The following MMP26 variants were observed in gnomAD, a reference collection of about 807,000 sequenced individuals.
The protein encoded by MMP26 is matrix metallopeptidase 26, also known as matrix metalloproteinase-26.
A neutral mutation model predicts 31.0 loss-of-function variants in MMP26; 33 were observed. The observed-to-expected ratio is 1.06, with a 90% CI of 0.81 to 1.42. The LOEUF (loss-of-function observed/expected upper bound fraction) is 1.42. Ranked by LOEUF, MMP26 falls within the 40% of genes most tolerant of loss-of-function variation. MMP26 has a pLI of 0.00. For missense variants in MMP26, 347 were observed against 316.1 expected, an observed-to-expected ratio of 1.10 and a Z score of -0.74; for synonymous variants, 122 against 114.9, an observed-to-expected ratio of 1.06 and a Z score of -0.40.
At chr11:4,720,113 A>G (rs1847990827) in intron 1 of MMP26, among the ~76,000 whole-genome samples, 1 of 152,200 alleles carries the variant, frequency 6.6e-6, no homozygotes, top group African/African-American at 2.4e-5. Flanking sequence ...AGTATAATAA[A>G]TAAATATTTT....
chr11:4,925,115 C>T (rs11034685), intron 2 of MMP26, among the ~76,000 whole-genome samples: 39,373 of 151,974 alleles, frequency 0.26, 5,544 homozygotes, highest in Middle Eastern at 0.45. Flanking sequence ...ACTCTGACAC[C>T]AGTTCTATCT....
intron 2 of MMP26, among the ~76,000 whole-genome samples, chr11:4,818,384 A>T (rs1849449280): frequency 1.6e-5 from 2 of 123,624 alleles, no homozygotes. Flanking sequence ...TATTATCATA[A>T]TTGTGCTTAC....
rs1847020565 is a variant in MMP26, at chr11:4,992,279, G to C, written c.*37G>C. ...AGGACTTATTCAACCTGTCCTTTCA[G>C]GGAGTTTATTGGAGGATCAAAGAAC... On this transcript the variant is annotated 3_prime_UTR_variant, in exon 8 of 8. Coordinates refer to ENST00000380390, the MANE Select transcript of MMP26 (RefSeq NM_021801.5). 1 of 1,594,114 alleles carries C rather than the reference G, an allele frequency of 6.3e-7. No homozygotes were observed. The highest frequency in any genetic ancestry group is 8.6e-7 in the Non-Finnish European group (1 of 1,168,082).
At chr11:4,821,286 A>C (rs989065873) in intron 2 of MMP26, 1 of 1,019,812 alleles carries the variant, frequency 9.8e-7, no homozygotes, top group African/African-American at 1.6e-5. Context: ...GCTAAAAAGA[A>C]AATTCAAGTT....
intron 2 of MMP26, among the ~76,000 whole-genome samples, chr11:4,811,377 C>T (rs1407347367): frequency 1.3e-5 from 2 of 152,102 alleles, no homozygotes; most frequent in Non-Finnish European, 2.9e-5. Flanking sequence ...TCAAGTAGGT[C>T]CCAGTGTCTG....
chr11:4,716,650 CTTTTTTTTTTTT>C lies in MMP26; in HGVS notation c.-217+11622_-217+11633del, dbSNP rs71050424. Among the ~76,000 whole-genome samples the C allele has an allele frequency of 8.5e-4, 55 of 65,042 alleles. 2 individuals are homozygous for C. The highest frequency in any genetic ancestry group is 2.9e-3 in the Admixed American group (12 of 4,100). 42.7% of individuals were successfully genotyped at this position (65,042 alleles called of 152,430 possible). On this transcript the variant is annotated intron_variant, in intron 1 of 7. Transcript: ENST00000380390. The stretch of plus-strand genomic sequence containing the variant: ...ATTCCATACTTGATCTCTCTTACCT[CTTTTTTTTTTTT>C]TTTTTTTTTTTTTTTTGAGATGGAG...
At chr11:4,893,175 GT>G (rs1483301235) in intron 2 of MMP26, among the ~76,000 whole-genome samples, 2 of 151,766 alleles carry the variant, frequency 1.3e-5, no homozygotes, top group African/African-American at 4.8e-5. Context: ...ATTATTTTAT[GT>G]TTTATATCAA....
chr11:4,819,737 C>T (rs1336347839), intron 2 of MMP26, among the ~76,000 whole-genome samples: 1 of 151,766 alleles, frequency 6.6e-6, no homozygotes, highest in Non-Finnish European at 1.5e-5. Context: ...TACCACCATG[C>T]CTGGCTAATT....
chr11:4,732,541 CAA>C (rs56079183), intron 1 of MMP26, among the ~76,000 whole-genome samples: 4 of 94,688 alleles, frequency 4.2e-5, no homozygotes, highest in East Asian at 4.1e-4. Flanking sequence ...AGACTCGTCT[CAA>C]AAAAAAAAAA....
chr11:4,780,094 A>G (rs1464023893), intron 2 of MMP26, among the ~76,000 whole-genome samples: 1 of 152,128 alleles, frequency 6.6e-6, no homozygotes, highest in Non-Finnish European at 1.5e-5. Context: ...TTTGTTGACT[A>G]TTGTTGGTCA....
At chr11:4,847,880 G>C (rs1001226930) in intron 2 of MMP26, 3 of 179,162 alleles carry the variant, frequency 1.7e-5, no homozygotes, top group African/African-American at 2.3e-5. Flanking sequence ...TTTTTCCTTT[G>C]CTATGTAGAT....
chr11:4,801,260 C>T (rs1434784383), intron 2 of MMP26, among the ~76,000 whole-genome samples: 1 of 152,168 alleles, frequency 6.6e-6, no homozygotes, highest in African/African-American at 2.4e-5. Context: ...CTACCCTATA[C>T]TTGGTACAAA....
intron 2 of MMP26, chr11:4,915,462 G>A (rs1851069665): frequency 6.2e-7 from 1 of 1,614,142 alleles, no homozygotes; most frequent in South Asian, 1.1e-5. Flanking sequence ...AGCATGGACA[G>A]GAAGAGATAC....
At chr11:4,864,034 G>T (rs1438306494) in intron 2 of MMP26, among the ~76,000 whole-genome samples, 1 of 152,112 alleles carries the variant, frequency 6.6e-6, no homozygotes, top group Admixed American at 6.6e-5. Context: ...TTTCAGTTCA[G>T]TTCAGTGACT....
At chr11:4,755,732 T>C (rs963128628) in intron 1 of MMP26, among the ~76,000 whole-genome samples, 5 of 152,026 alleles carry the variant, frequency 3.3e-5, no homozygotes, top group African/African-American at 4.8e-5. Flanking sequence ...CTGGAAATTA[T>C]ACCAGAAACT....
At chr11:4,872,643 G>C (rs1373565676) in intron 2 of MMP26, among the ~76,000 whole-genome samples, 1 of 152,038 alleles carries the variant, frequency 6.6e-6, no homozygotes, top group Non-Finnish European at 1.5e-5. Context: ...GATCCTTTAA[G>C]AGTATAGTAT....
intron 1 of MMP26, chr11:4,752,510 C>T (rs1248010628): frequency 6.6e-6 from 1 of 152,178 alleles, no homozygotes; most frequent in Non-Finnish European, 1.5e-5. Context: ...TTAGTGGTGT[C>T]AAAATGACAG....
chr11:4,807,606 G>T (rs550421879), intron 2 of MMP26, among the ~76,000 whole-genome samples: 9,113 of 146,620 alleles, frequency 0.062, 617 homozygotes, highest in African/African-American at 0.17. Flanking sequence ...ATCACACACT[G>T]GGGGCCTGTC....
chr11:4,934,982 T>C (rs562376483), intron 2 of MMP26, among the ~76,000 whole-genome samples: 1,816 of 151,050 alleles, frequency 0.012, 54 homozygotes, highest in African/African-American at 0.042. Flanking sequence ...ACTGTAGCCT[T>C]GTAGTATAGT....
Sources: allele counts gnomAD v4.1 joint callset (sites outside exome capture counted in the v4.1 genomes callset), GRCh38; gene constraint gnomAD v4.1.1; transcripts MANE v1.5; gene names NCBI Gene and HGNC (gene_info 2026-07-23, HGNC 2026-07-21).